XRN2: variants seen among roughly 807,000 people sequenced by gnomAD.
XRN2 encodes the protein 5'-3' exoribonuclease 2.
In XRN2, 44 loss-of-function variants were observed where a neutral mutation model predicts 138.5. That is an observed-to-expected ratio of 0.32 (90% confidence interval 0.25 to 0.41). The LOEUF is 0.41. Among genes scored for constraint, XRN2 ranks in the 10% least tolerant of loss-of-function variants. The pLI is 1.00. For missense variants in XRN2, 937 were observed against 1,169.3 expected (o/e 0.80, Z 2.90); for synonymous variants, 354 against 369.4 (o/e 0.96, Z 0.48).
At position 21,330,609 on chromosome 20, in the gene XRN2, A is replaced by T. The variant is rs745842377; in HGVS notation, c.487-7A>T. 3 of 1,613,760 alleles carry T rather than the reference A, an allele frequency of 1.9e-6. 1 individual carries two copies. In the South Asian group the frequency reaches 3.3e-5, roughly 18 times the overall value. On this transcript the variant is annotated splice_region_variant and splice_polypyrimidine_tract_variant and intron_variant, in intron 5 of 29. Coordinates refer to ENST00000377191, the MANE Select transcript of XRN2 (RefSeq NM_012255.5). ...ATAGGTTAATTTATTTCTTTCTATC[A>T]TTTTAGGGAACTGAATTCATGGACA...
At chr20:21,338,528 C>T (rs2038330169) in intron 13 of XRN2, among the ~76,000 whole-genome samples, 1 of 151,916 alleles carries the variant, frequency 6.6e-6, no homozygotes. Context: ...GCGTAGAGTC[C>T]CACTTCTCTC....
intron 27 of XRN2, among the ~76,000 whole-genome samples, chr20:21,379,149 A>G (rs6047413): frequency 0.86 from 131,286 of 152,188 alleles, 56,975 homozygotes; most frequent in East Asian, 0.98. Flanking sequence ...CTTGGTTTAC[A>G]TGGCCTTAGA....
In XRN2 at chr20:21,321,207, A is replaced by C. The variant is rs572374238; in HGVS notation, c.76-5072A>C. On this transcript the variant is annotated intron_variant, in intron 1 of 29. Coordinates refer to ENST00000377191, the MANE Select transcript of XRN2 (RefSeq NM_012255.5). ...TTTTTTGTAGAGATGAGGTTTCACCATATTGCCTAGGCTGATCCCAAACTC... is the reference window on the plus strand; with the variant it reads ...TTTTTTGTAGAGATGAGGTTTCACCCTATTGCCTAGGCTGATCCCAAACTC... 1.4e-4 allele frequency among the ~76,000 whole-genome samples: 20 copies of C among 147,302 alleles called. No homozygotes were observed. The South Asian group carries it at 4.0e-3, about 30-fold the overall frequency.
chr20:21,356,695 G>A (rs1435801778), intron 23 of XRN2, 30 bp downstream of exon 23: 2 of 1,575,204 alleles, frequency 1.3e-6, no homozygotes, highest in South Asian at 1.2e-5. Flanking sequence ...TAATTGAGGT[G>A]ACTGGAAGGA....
In XRN2 at chr20:21,368,542, T is replaced by C. The variant is rs367608571; in HGVS notation, c.2536T>C (p.Tyr846His). 1.5e-5 allele frequency: 25 copies of C among 1,613,994 alleles called. No homozygotes were observed. The highest frequency in any genetic ancestry group is 1.6e-4 in the Middle Eastern group (1 of 6,084). ...ACCTGTGACTTACCAGGGAAACTTA[T>C]ACAGGCCGCTTTTGAGAGGACAAGC... ...PPPVTYQGNL[Y>H]RPLLRGQAQI... The change falls in exon 27 of 30, where the codon TAC becomes CAC. Residue 846 changes from tyrosine (Y) to histidine (H), a missense_variant. This residue lies in a region of XRN2 where 372 missense variants were observed against 414.4 expected (regional missense o/e 0.90). Coordinates refer to ENST00000377191, the MANE Select transcript of XRN2 (RefSeq NM_012255.5).
intron 1 of XRN2, among the ~76,000 whole-genome samples, chr20:21,315,623 G>T (rs1393260993): frequency 6.6e-6 from 1 of 152,116 alleles, no homozygotes. Flanking sequence ...CTCCTGAGTA[G>T]CTGGGACTAC....
chr20:21,332,291 A>G lies in XRN2; in HGVS notation c.709A>G (p.Ile237Val), dbSNP rs749687998. Residue 237 changes from isoleucine to valine, a missense_variant, in exon 9 of 30, where the codon ATT becomes GTT. This residue lies in a region of XRN2 where 471 missense variants were observed against 581.2 expected (regional missense o/e 0.81). Coordinates refer to ENST00000377191, the MANE Select transcript of XRN2 (RefSeq NM_012255.5). The part of the protein sequence containing the change: ...HCLCGADADL[I>V]MLGLATHEPN... Reference sequence around the variant, plus strand: ...TCATTGTTGATTGATAGCTGATCTCATTATGCTTGGCCTTGCCACACATGA... The same window carrying G: ...TCATTGTTGATTGATAGCTGATCTCGTTATGCTTGGCCTTGCCACACATGA... 37 of 1,611,836 alleles carry G rather than the reference A, an allele frequency of 2.3e-5. No individual in the cohort carries two copies. The highest frequency in any genetic ancestry group is 3.1e-5 in the Non-Finnish European group (36 of 1,179,212).
chr20:21,360,891 C>G (rs1028938204), intron 24 of XRN2, among the ~76,000 whole-genome samples: 4 of 152,154 alleles, frequency 2.6e-5, no homozygotes, highest in African/African-American at 9.7e-5. Flanking sequence ...CCTATAAACT[C>G]TTTAAGTGTT....
rs773742680 is a variant in XRN2 at position 21,348,344 on chromosome 20, A to C, written c.1777A>C (p.Lys593Gln). Residue 593 changes from lysine to glutamine, a missense_variant, in exon 19 of 30, where the codon AAA (lysine) becomes CAA (glutamine). Lys to Gln is a moderately conservative substitution (Grantham distance 53, BLOSUM62 1). Around this residue, in one of 6 missense-constraint regions of XRN2, gnomAD observed 471 missense variants for 581.2 expected, o/e 0.81. Transcript: ENST00000377191. The stretch of plus-strand genomic sequence containing the variant: ...TTAATGTTTTTTCTTTTTTCAGTTT[A>C]AACCACTAGAACAACTTATGGGGGT... ...SDFEKGTKPF[K>Q]PLEQLMGVFP... 6.2e-7 allele frequency: 1 copy of C among 1,613,694 alleles called. No homozygotes were observed. The highest frequency in any genetic ancestry group is 8.5e-7 in the Non-Finnish European group (1 of 1,179,880).
rs2038944780 is a variant in XRN2 at position 21,387,108 on chromosome 20, T to TA, written c.2787+103dup. The TA allele has an allele frequency of 1.3e-5, 18 of 1,404,494 alleles. 2 individuals are homozygous for TA. Among genetic ancestry groups the TA allele is most frequent in the Non-Finnish European group, 2.9e-6 (3 of 1,049,778 alleles). 87.0% of individuals were successfully genotyped at this position (1,404,494 alleles called of 1,614,324 possible). ...CCAACATTTCTGGAGAAGACACTGATAGAGTAGCTTAGAGTAGCTTGGCTG... is the reference window on the plus strand; with the variant it reads ...CCAACATTTCTGGAGAAGACACTGATAAGAGTAGCTTAGAGTAGCTTGGCTG... On this transcript the variant is annotated intron_variant, in intron 29 of 29. Transcript: ENST00000377191.
intron 20 of XRN2, among the ~76,000 whole-genome samples, chr20:21,352,638 C>A (rs567429781): frequency 1.3e-5 from 2 of 151,838 alleles, no homozygotes; most frequent in African/African-American, 4.8e-5. Context: ...GCCCAACACA[C>A]GTAATTTAAA....
At chr20:21,347,050 T>G (rs756302273) in intron 17 of XRN2, among the ~76,000 whole-genome samples, 1 of 152,178 alleles carries the variant, frequency 6.6e-6, no homozygotes, top group Admixed American at 6.5e-5. Context: ...TTCTTAGATA[T>G]TAATATAGAA....
At chr20:21,384,054 T>A (rs2038912700) in intron 28 of XRN2, among the ~76,000 whole-genome samples, 1 of 152,240 alleles carries the variant, frequency 6.6e-6, no homozygotes, top group Admixed American at 6.5e-5. Flanking sequence ...AGTGTCTTTT[T>A]TTTATTACAT....
chr20:21,335,516 G>A (rs202841), intron 13 of XRN2, among the ~76,000 whole-genome samples: 124,768 of 152,108 alleles, frequency 0.82, 52,532 homozygotes, highest in South Asian at 0.93. Flanking sequence ...TAACATAGTG[G>A]GTTGACTGTA....
chr20:21,353,122 GTATAATATTTAATA>G (rs1007441122), intron 20 of XRN2, among the ~76,000 whole-genome samples: 2 of 145,450 alleles, frequency 1.4e-5, no homozygotes, highest in Non-Finnish European at 3.0e-5. Context: ...TTTTATATAT[GTATAATATTTAATA>G]TATAATATTT....
intron 27 of XRN2, among the ~76,000 whole-genome samples, chr20:21,377,264 C>CTTGTTTTTTTTTTTTTTTTTTTT (rs2038833700): frequency 1.2e-5 from 1 of 82,782 alleles, no homozygotes; most frequent in Non-Finnish European, 2.1e-5. Context: ...TCGGTTTTTT[C>CTTGTTTTTTTTTTTTTTTTTTTT]TTTTTTTTTT....
chr20:21,362,345 C>T (rs2122296668), intron 24 of XRN2, among the ~76,000 whole-genome samples: 1 of 152,276 alleles, frequency 6.6e-6, no homozygotes, highest in Admixed American at 6.5e-5. Context: ...GGGATTTTCT[C>T]TTCTCCCTGG....
rs370737760 is a variant in XRN2 at position 21,320,595 on chromosome 20, G to A, written c.76-5684G>A. 7.4e-5 allele frequency among the ~76,000 whole-genome samples: 11 copies of A among 148,772 alleles called. No individual in the cohort carries two copies. The South Asian group carries it at 8.5e-4, about 12-fold the overall frequency. On this transcript the variant is annotated intron_variant, in intron 1 of 29. Transcript: ENST00000377191. ...ATTACAGGCGTGAGCCACCACGCCC[G>A]GCCTTATTTATTTATTTTTGAGATG...
Position 21,346,447 on chromosome 20 carries a change from A to G in XRN2, c.1562A>G (p.Tyr521Cys). 6.2e-7 allele frequency: 1 copy of G among 1,614,164 alleles called. No homozygotes were observed. The highest frequency in any genetic ancestry group is 8.5e-7 in the Non-Finnish European group (1 of 1,180,010). ...GAAGCTGGCTGGAAGCAGCGGTACT[A>G]CAAGAACAAATTTGATGTGGATGCA... ...LWEAGWKQRY[Y>C]KNKFDVDAAD... is the part of the protein sequence containing the mutation. The change falls in exon 17 of 30, where the codon TAC becomes TGC. Residue 521 changes from tyrosine to cysteine, a missense_variant. Tyr to Cys is a radical substitution (Grantham distance 194). Transcript: ENST00000377191.
Sources: gnomAD v4.1 joint callset for allele counts (sites outside exome capture counted in the v4.1 genomes callset) on GRCh38, gnomAD v4.1.1 for gene constraint, gnomAD v4.1.1 regional missense constraint, MANE v1.5 for transcripts, NCBI Gene and HGNC (gene_info 2026-07-23, HGNC 2026-07-21) for gene names.